The following CDC14B variants were observed in gnomAD, a reference collection of about 807,000 sequenced individuals.
CDC14B encodes the protein cell division cycle 14B.
A neutral mutation model predicts 64.2 loss-of-function variants in CDC14B; 22 were observed. The observed-to-expected ratio is 0.34, with a 90% CI of 0.24 to 0.49. CDC14B has a LOEUF of 0.49. Ranked by LOEUF, CDC14B falls within the 20% of genes least tolerant of loss-of-function variation. The pLI is 0.99. For synonymous variants in CDC14B, 191 were observed against 215.8 expected, an observed-to-expected ratio of 0.89 and a Z score of 1.01; for missense variants, 498 against 629.9, an observed-to-expected ratio of 0.79 and a Z score of 2.24.
At chr9:96,580,482 C>T (rs894947837) in intron 1 of CDC14B, among the ~76,000 whole-genome samples, 1 of 152,188 alleles carries the variant, frequency 6.6e-6, no homozygotes, top group African/African-American at 2.4e-5. Flanking sequence ...CTGCCCACCT[C>T]GGCCTCTGAA....
At chr9:96,587,314 C>A (rs920426707) in intron 1 of CDC14B, among the ~76,000 whole-genome samples, 1 of 152,224 alleles carries the variant, frequency 6.6e-6, no homozygotes, top group Non-Finnish European at 1.5e-5. Flanking sequence ...GCCACTGCCA[C>A]ATGTGGGTAG....
intron 8 of CDC14B, 49 bp downstream of exon 8, chr9:96,534,406 A>G: frequency 7.8e-7 from 1 of 1,284,536 alleles, no homozygotes; most frequent in South Asian, 1.2e-5. Context: ...AAAATATAGG[A>G]TAGATATTTT....
chr9:96,547,466 A>C (rs936116161), intron 5 of CDC14B, among the ~76,000 whole-genome samples: 1 of 140,484 alleles, frequency 7.1e-6, no homozygotes, highest in Non-Finnish European at 1.6e-5. Flanking sequence ...AGTCTGTCTT[A>C]AAAAAAAAAA....
intron 5 of CDC14B, among the ~76,000 whole-genome samples, chr9:96,542,722 C>A (rs1303420278): frequency 4.0e-5 from 6 of 151,846 alleles, no homozygotes; most frequent in Non-Finnish European, 8.8e-5. Context: ...CTTAAACTCC[C>A]GGCCTCTGCC....
chr9:96,533,299 T>C (rs959866135), intron 9 of CDC14B, among the ~76,000 whole-genome samples: 3 of 152,236 alleles, frequency 2.0e-5, no homozygotes, highest in Non-Finnish European at 4.4e-5. Context: ...GAATAGGCTA[T>C]ACTTTCCTGT....
At chr9:96,572,212 A>G (rs949214708) in intron 1 of CDC14B, among the ~76,000 whole-genome samples, 1 of 152,174 alleles carries the variant, frequency 6.6e-6, no homozygotes, top group African/African-American at 2.4e-5. Context: ...TATCCTTTAA[A>G]ATAGCCTTCA....
downstream of CDC14B, among the ~76,000 whole-genome samples, chr9:96,495,346 G>C (rs1433730772): frequency 6.6e-6 from 1 of 152,082 alleles, no homozygotes; most frequent in African/African-American, 2.4e-5. Flanking sequence ...AAGGGACTGA[G>C]GGCGCCTTCA....
intron 1 of CDC14B, among the ~76,000 whole-genome samples, chr9:96,604,918 C>T (rs1043514795): frequency 2.0e-5 from 3 of 152,284 alleles, no homozygotes; most frequent in Non-Finnish European, 4.4e-5. Context: ...GATCTACCCG[C>T]CTCTGCCTCC....
At chr9:96,549,525 C>T (rs746376707) in intron 5 of CDC14B, among the ~76,000 whole-genome samples, 1 of 151,970 alleles carries the variant, frequency 6.6e-6, no homozygotes, top group African/African-American at 2.4e-5. Flanking sequence ...ATTAGCCAGG[C>T]GTGGTGGCAC....
chr9:96,537,619 T>G (rs968863684), intron 7 of CDC14B, among the ~76,000 whole-genome samples: 1 of 152,236 alleles, frequency 6.6e-6, no homozygotes, highest in Non-Finnish European at 1.5e-5. Flanking sequence ...GGCCTGAGAA[T>G]AAAACTAACT....
chr9:96,506,554 CT>C (rs1426671327), intron 13 of CDC14B, among the ~76,000 whole-genome samples: 1 of 152,210 alleles, frequency 6.6e-6, no homozygotes. Flanking sequence ...CCAGTTAATC[CT>C]CACTGTTAGA....
intron 1 of CDC14B, among the ~76,000 whole-genome samples, chr9:96,573,248 T>C (rs1266129030): frequency 6.6e-6 from 1 of 152,128 alleles, no homozygotes; most frequent in Non-Finnish European, 1.5e-5. Flanking sequence ...CAAGCAGAGG[T>C]TGCCGTGAGC....
At position 96,619,352 on chromosome 9, in the gene CDC14B, C is replaced by T; in HGVS notation, c.27G>A (p.Ser9=). The change falls in exon 1 of 14, where the codon TCG becomes TCA. Residue 9 remains serine (S), a synonymous_variant. Transcript: ENST00000375241. MKRKSERR[S]SWAAAPPCSR... ...AGCAGGGGGGCGCGGCGGCCCAGCTCGACCGCCGCTCGCTTTTCCGCTTCA... is the reference window on the plus strand; with the variant it reads ...AGCAGGGGGGCGCGGCGGCCCAGCTTGACCGCCGCTCGCTTTTCCGCTTCA... 3 of 1,243,832 alleles carry T rather than the reference C, an allele frequency of 2.4e-6. No homozygotes were observed. The highest frequency in any genetic ancestry group is 3.0e-6 in the Non-Finnish European group (3 of 990,416). The allele number at this position is 1,243,832 out of a possible 1,614,324, so 77.0% of individuals were successfully genotyped here.
intron 6 of CDC14B, 46 bp downstream of exon 6, chr9:96,541,780 G>A (rs1199734943): frequency 3.7e-6 from 5 of 1,361,616 alleles, no homozygotes; most frequent in African/African-American, 2.9e-5. Flanking sequence ...TGGACCGCAT[G>A]TTAGTTCCTC....
At chr9:96,582,899 GTTTA>G (rs1024785795) in intron 1 of CDC14B, among the ~76,000 whole-genome samples, 1 of 152,148 alleles carries the variant, frequency 6.6e-6, no homozygotes, top group Non-Finnish European at 1.5e-5. Flanking sequence ...GGCCTGGGTT[GTTTA>G]TTTACTTTAA....
chr9:96,509,732 G>T lies in CDC14B; in HGVS notation c.1401C>A (p.Gly467=). The part of the protein sequence containing the change: ...SCKTSEPNIS[G]SAGITKRTTR... ...TGGTTCTTTTAGTAATGCCTGCACT[G>T]CCAGAAATGTTAGGTTCAGATGTTT... Residue 467 remains glycine, a synonymous_variant, in exon 13 of 14, where the codon GGC becomes GGA. Transcript: ENST00000375241. 6.2e-7 allele frequency: 1 copy of T among 1,613,136 alleles called. No homozygotes were observed. Among genetic ancestry groups the T allele is most frequent in the East Asian group, 2.2e-5 (1 of 44,850 alleles).
intron 9 of CDC14B, 119 bp downstream of exon 9, chr9:96,533,808 C>T: frequency 1.7e-6 from 1 of 576,810 alleles, no homozygotes; most frequent in East Asian, 3.0e-5. Context: ...GGTTTCACGG[C>T]ACTCTAAAAA....
chr9:96,491,660 G>GA (rs2131171461), exon 14 of CDC14B: 1 of 152,356 alleles, frequency 6.6e-6, no homozygotes, highest in Non-Finnish European at 1.5e-5. Context: ...CTGCGGCTTT[G>GA]AAGATTAGCC....
intron 1 of CDC14B, among the ~76,000 whole-genome samples, chr9:96,602,884 C>CT (rs1846593217): frequency 6.6e-6 from 1 of 151,848 alleles, no homozygotes; most frequent in African/African-American, 2.4e-5. Context: ...TATTTGTGGG[C>CT]TGGGGAGAGA....
Sources: gnomAD v4.1 joint callset for allele counts (sites outside exome capture counted in the v4.1 genomes callset) on GRCh38, gnomAD v4.1.1 for gene constraint, MANE v1.5 for transcripts, NCBI Gene and HGNC (gene_info 2026-07-23, HGNC 2026-07-21) for gene names.